Variants in ASIC5 observed in about 807,000 individuals in gnomAD.
The protein encoded by ASIC5 is acid sensing ion channel subunit family member 5, also known as bile acid-sensitive ion channel.
ASIC5 carries 52 observed loss-of-function variants against 51.2 expected under a neutral mutation model. The observed-to-expected ratio is 1.02, with a 90% confidence interval of 0.81 to 1.28. The LOEUF (loss-of-function observed/expected upper bound fraction) is 1.28, where lower values mean the gene tolerates loss of function less well. Ranked by LOEUF, ASIC5 falls within the 50% of genes most tolerant of loss-of-function variation. ASIC5 has a pLI of 0.00. For missense variants in ASIC5, 635 were observed against 595.0 expected (o/e 1.07, Z -0.70); for synonymous variants, 231 against 200.7 (o/e 1.15, Z -1.28).
At chr4:155,861,645 A>G (rs1362960244) in intron 2 of ASIC5, among the ~76,000 whole-genome samples, 1 of 152,018 alleles carries the variant, frequency 6.6e-6, no homozygotes, top group Non-Finnish European at 1.5e-5. Context: ...TTTCAATTGG[A>G]TTGTCTAATC....
chr4:155,841,119 C>T (rs1209518533), intron 6 of ASIC5, among the ~76,000 whole-genome samples: 1 of 152,128 alleles, frequency 6.6e-6, no homozygotes, highest in African/African-American at 2.4e-5. Flanking sequence ...CAATCTCCCG[C>T]ACAGCCAGCT....
intron 5 of ASIC5, 99 bp downstream of exon 5, chr4:155,843,582 T>G: frequency 7.4e-7 from 1 of 1,355,350 alleles, no homozygotes; most frequent in Non-Finnish European, 1.0e-6. Flanking sequence ...CTAATGGTGT[T>G]TTACAGGCAT....
intron 2 of ASIC5, 63 bp downstream of exon 2, chr4:155,863,385 T>C (rs1205661133): frequency 7.7e-7 from 1 of 1,292,984 alleles, no homozygotes. Flanking sequence ...TTGTCAGTCA[T>C]CCAAGAAAGA....
intron 2 of ASIC5, among the ~76,000 whole-genome samples, chr4:155,856,559 G>A (rs988911905): frequency 1.9e-4 from 29 of 152,046 alleles, no homozygotes; most frequent in Non-Finnish European, 2.4e-4. Context: ...TGATTCCAAG[G>A]CACTATTGGT....
At chr4:155,842,016 G>A (rs1276958422) in intron 6 of ASIC5, among the ~76,000 whole-genome samples, 191 bp downstream of exon 6, 1 of 152,122 alleles carries the variant, frequency 6.6e-6, no homozygotes, top group Admixed American at 6.6e-5. Flanking sequence ...ATTTTAGTCT[G>A]CAAAGAGAAG....
intron 2 of ASIC5, among the ~76,000 whole-genome samples, chr4:155,862,210 G>T (rs1741725605): frequency 6.6e-6 from 1 of 151,890 alleles, no homozygotes; most frequent in East Asian, 1.9e-4. Context: ...TCATTTTTTG[G>T]GGGGAAAGGA....
chr4:155,849,807 CT>C (rs1459767069), intron 4 of ASIC5, among the ~76,000 whole-genome samples: 4 of 151,966 alleles, frequency 2.6e-5, no homozygotes, highest in Non-Finnish European at 5.9e-5. Context: ...TCAACTTAAA[CT>C]TTAGAAGAAA....
At chr4:155,843,864 A>T (rs750226034) in intron 4 of ASIC5, 34 bp from the exon 5 acceptor site, 1 of 1,608,738 alleles carries the variant, frequency 6.2e-7, no homozygotes, top group Non-Finnish European at 8.5e-7. Flanking sequence ...CCAAATTGCA[A>T]ATTGACTATA....
intron 1 of ASIC5, chr4:155,865,217 T>A (rs1741831451): frequency 6.6e-6 from 1 of 151,992 alleles, no homozygotes. Context: ...TATGATTAGC[T>A]TGAAGTTGGA....
At chr4:155,830,230 A>G (rs59977556) in intron 9 of ASIC5, among the ~76,000 whole-genome samples, 184 bp from the exon 10 acceptor site, 9,959 of 152,252 alleles carry the variant, frequency 0.065, 393 homozygotes, top group South Asian at 0.16. Context: ...GTATTCATAC[A>G]AATCATCATA....
chr4:155,842,137 G>T, intron 6 of ASIC5, 70 bp downstream of exon 6: 1 of 1,415,866 alleles, frequency 7.1e-7, no homozygotes, highest in Non-Finnish European at 9.8e-7. Flanking sequence ...ATTTCTCCCA[G>T]ACCTTTTGTA....
chr4:155,866,273 T>G lies in ASIC5; in HGVS notation c.-47A>C. On this transcript the variant is annotated 5_prime_UTR_variant, in exon 1 of 10. It removes an upstream start codon present in the reference 5' UTR. Transcript: ENST00000537611. The stretch of plus-strand genomic sequence containing the variant: ...AGTCCTCAGGGTAACCCAATTTTCA[T>G]CAATAACAGTATTCATTTTGTGCCC... 7.3e-7 allele frequency: 1 copy of G among 1,361,650 alleles called. No homozygotes were observed. Among genetic ancestry groups the G allele is most frequent in the African/African-American group, 1.4e-5 (1 of 69,712 alleles). 84.3% of individuals were successfully genotyped at this position (1,361,650 alleles called of 1,614,324 possible). A position where few individuals can be genotyped will look rare whatever the true frequency, so the allele number is the denominator to read the frequency against.
intron 3 of ASIC5, among the ~76,000 whole-genome samples, chr4:155,853,330 G>A (rs577545469): frequency 2.4e-4 from 37 of 151,896 alleles, no homozygotes; most frequent in African/African-American, 8.4e-4. Context: ...AAATTGTATT[G>A]AAGAACAAAG....
At chr4:155,858,171 G>A (rs1008519632) in intron 2 of ASIC5, among the ~76,000 whole-genome samples, 10 of 151,980 alleles carry the variant, frequency 6.6e-5, no homozygotes, top group African/African-American at 9.7e-5. Context: ...AAAGACATTT[G>A]AAAAGCACTA....
chr4:155,843,718 A>G lies in ASIC5; in HGVS notation c.824T>C (p.Val275Ala). The change falls in exon 5 of 10, where the codon GTG becomes GCG. Residue 275 changes from valine to alanine, a missense_variant. By Grantham distance (64) the Val-to-Ala change is moderately conservative. Transcript: ENST00000537611. The stretch of plus-strand genomic sequence containing the variant: ...GATGGTTACCCTTGCGTGCATTCCC[A>G]CAGGTGACAACAAGCCTAACCCATC... ...QFDGLGLLSP[V>A]GMHARVTIRQ... 2 of 1,613,564 alleles carry G rather than the reference A, an allele frequency of 1.2e-6. No homozygotes were observed. Among genetic ancestry groups the G allele is most frequent in the East Asian group, 2.2e-5 (1 of 44,830 alleles).
chr4:155,840,558 A>G (rs1381493885), intron 6 of ASIC5, among the ~76,000 whole-genome samples: 1 of 151,014 alleles, frequency 6.6e-6, no homozygotes, highest in East Asian at 2.0e-4. Flanking sequence ...AACTGACTCC[A>G]TCTTGTTTCT....
At chr4:155,835,493 G>A (rs973473366) in intron 8 of ASIC5, among the ~76,000 whole-genome samples, 4 of 151,394 alleles carry the variant, frequency 2.6e-5, no homozygotes, top group Non-Finnish European at 5.9e-5. Flanking sequence ...TGATTCACCA[G>A]TATGTCTCCA....
intron 3 of ASIC5, among the ~76,000 whole-genome samples, 179 bp from the exon 4 acceptor site, chr4:155,852,495 T>C (rs1009859715): frequency 6.6e-6 from 1 of 151,096 alleles, no homozygotes; most frequent in South Asian, 2.1e-4. Flanking sequence ...GTAATATGCA[T>C]TCGTCAATTT....
intron 4 of ASIC5, among the ~76,000 whole-genome samples, chr4:155,844,263 C>A (rs961710904): frequency 1.1e-4 from 17 of 152,082 alleles, no homozygotes; most frequent in African/African-American, 4.1e-4. Flanking sequence ...CCCTGATCTT[C>A]CATTGTTTTT....
Sources: allele counts gnomAD v4.1 joint callset (sites outside exome capture counted in the v4.1 genomes callset), GRCh38; gene constraint gnomAD v4.1.1; transcripts MANE v1.5; gene names NCBI Gene and HGNC (gene_info 2026-07-23, HGNC 2026-07-21).